HCN1: variants seen among roughly 807,000 people sequenced by gnomAD.
The protein encoded by HCN1 is hyperpolarization activated cyclic nucleotide gated potassium channel 1, also known as potassium/sodium hyperpolarization-activated cyclic nucleotide-gated channel 1.
A neutral mutation model predicts 78.9 loss-of-function variants in HCN1; 13 were observed. The ratio of observed to expected loss-of-function variants is 0.16; its 90% CI spans 0.11 to 0.26. The LOEUF (loss-of-function observed/expected upper bound fraction) is 0.26. Among genes scored for constraint, HCN1 ranks in the 10% least tolerant of loss-of-function variants. HCN1 has a pLI of 1.00. For missense variants in HCN1, 810 were observed against 1,154.3 expected (o/e 0.70, Z 4.32); for synonymous variants, 552 against 455.5 (o/e 1.21, Z -2.70).
chr5:45,653,445 A>G (rs1745714260), intron 1 of HCN1, among the ~76,000 whole-genome samples: 1 of 152,154 alleles, frequency 6.6e-6, no homozygotes, highest in South Asian at 2.1e-4. Context: ...GTCTCCAAAA[A>G]TACTGTTTTA....
At chr5:45,641,535 T>C (rs374741062) in intron 2 of HCN1, among the ~76,000 whole-genome samples, 46 of 152,052 alleles carry the variant, frequency 3.0e-4, no homozygotes, top group African/African-American at 9.7e-4. Flanking sequence ...ACAAAGGAGG[T>C]TGGGGAGATA....
Position 45,273,775 on chromosome 5 carries a change from T to C in HCN1, c.1619-6522A>G, listed in dbSNP as rs567373490. On this transcript the variant is annotated intron_variant, in intron 6 of 7. Coordinates refer to ENST00000303230, the MANE Select transcript of HCN1 (RefSeq NM_021072.4). ...TCTAATTCACTGTGTTATAATAACATGTAACAGAAAATATCACTTTTTTGC... is the reference window on the plus strand; with the variant it reads ...TCTAATTCACTGTGTTATAATAACACGTAACAGAAAATATCACTTTTTTGC... Among the ~76,000 whole-genome samples, 95 of 152,300 alleles carry C rather than the reference T, an allele frequency of 6.2e-4. No homozygotes were observed. In the South Asian group the frequency reaches 7.9e-3, roughly 13 times the overall value.
intron 2 of HCN1, among the ~76,000 whole-genome samples, chr5:45,503,940 C>T (rs57281202): frequency 0.058 from 8,825 of 151,996 alleles, 327 homozygotes; most frequent in East Asian, 0.15. Context: ...TGTGCACCAC[C>T]ACACCCAGCT....
chr5:45,543,542 G>A (rs1420387527), intron 2 of HCN1, among the ~76,000 whole-genome samples: 1 of 151,946 alleles, frequency 6.6e-6, no homozygotes, highest in Non-Finnish European at 1.5e-5. Flanking sequence ...AGAAATTAAT[G>A]AGTAAACAAA....
chr5:45,670,990 T>G (rs929712674), intron 1 of HCN1, among the ~76,000 whole-genome samples: 4 of 151,738 alleles, frequency 2.6e-5, no homozygotes, highest in African/African-American at 9.7e-5. Flanking sequence ...AAAGTACATT[T>G]TATACAATCA....
In HCN1 at chr5:45,310,151, A is replaced by G. The variant is rs553345771; in HGVS notation, c.1378-6312T>C. 2.6e-5 allele frequency among the ~76,000 whole-genome samples: 4 copies of G among 152,238 alleles called. No individual in the cohort carries two copies. In the South Asian group the frequency reaches 8.3e-4, roughly 32 times the overall value. On this transcript the variant is annotated intron_variant, in intron 5 of 7. Transcript: ENST00000303230. ...ACCCCAAAAGCAACTGCAACAAATCAGAAATTGACAAACGGGAACTAATTA... is the reference window on the plus strand; with the variant it reads ...ACCCCAAAAGCAACTGCAACAAATCGGAAATTGACAAACGGGAACTAATTA...
chr5:45,524,764 C>T (rs1440161709), intron 2 of HCN1, among the ~76,000 whole-genome samples: 1 of 152,008 alleles, frequency 6.6e-6, no homozygotes, highest in Non-Finnish European at 1.5e-5. Flanking sequence ...TGGGCTGAGA[C>T]GATGGGGTTT....
At chr5:45,580,176 G>GCACAACCACAA (rs1744033490) in intron 2 of HCN1, among the ~76,000 whole-genome samples, 1 of 152,058 alleles carries the variant, frequency 6.6e-6, no homozygotes, top group Admixed American at 6.6e-5. Flanking sequence ...TTAAGGTTGT[G>GCACAACCACAA]GAGGTAATTA....
intron 6 of HCN1, among the ~76,000 whole-genome samples, chr5:45,298,783 A>G (rs1221767751): frequency 6.6e-6 from 1 of 151,954 alleles, no homozygotes; most frequent in Non-Finnish European, 1.5e-5. Flanking sequence ...CATGGTGACT[A>G]CCTTCCAAAG....
At chr5:45,493,576 C>CT (rs940697316) in intron 2 of HCN1, among the ~76,000 whole-genome samples, 7 of 149,526 alleles carry the variant, frequency 4.7e-5, no homozygotes, top group Admixed American at 1.3e-4. Context: ...AATTGTGTTT[C>CT]TTTTTTTTTA....
At chr5:45,606,204 C>G (rs1744724466) in intron 2 of HCN1, among the ~76,000 whole-genome samples, 1 of 151,808 alleles carries the variant, frequency 6.6e-6, no homozygotes. Context: ...TGCATTAAAC[C>G]TAGTGAAAAA....
Position 45,262,539 on chromosome 5 carries a change from T to C in HCN1, c.2055A>G (p.Thr685=), listed in dbSNP as rs1406966043. ...GGATGGCTGATGGCTGGGGGGTCTG[T>C]GTGCTGGGACTGGGGGAGTGCAGGT... ...HSNLHSPSPS[T]QTPQPSAILS... is the part of the protein sequence containing the mutation. Residue 685 remains threonine (T), a synonymous_variant, in exon 8 of 8, where the codon ACA becomes ACG. Transcript: ENST00000303230. 8 of 1,612,926 alleles carry C rather than the reference T, an allele frequency of 5.0e-6. No individual in the cohort carries two copies. The African/African-American group carries it at 9.4e-5, about 19-fold the overall frequency.
At chr5:45,417,783 T>C (rs945059204) in intron 3 of HCN1, among the ~76,000 whole-genome samples, 3 of 130,824 alleles carry the variant, frequency 2.3e-5, no homozygotes, top group Non-Finnish European at 3.2e-5. Context: ...AAAAACAAGG[T>C]CACGCTCAAG....
At chr5:45,507,883 A>G (rs1742340232) in intron 2 of HCN1, among the ~76,000 whole-genome samples, 1 of 152,114 alleles carries the variant, frequency 6.6e-6, no homozygotes, top group African/African-American at 2.4e-5. Flanking sequence ...AGTTTATTAT[A>G]ATTCCATGAT....
intron 4 of HCN1, among the ~76,000 whole-genome samples, chr5:45,372,851 A>G (rs1422837187): frequency 6.9e-6 from 1 of 143,920 alleles, no homozygotes; most frequent in Non-Finnish European, 1.5e-5. Context: ...ATATGTTCGT[A>G]TTCTATACAC....
intron 2 of HCN1, among the ~76,000 whole-genome samples, chr5:45,498,654 A>T (rs1331598772): frequency 6.6e-6 from 1 of 152,026 alleles, no homozygotes. Flanking sequence ...GGAGGAGGAG[A>T]GGTGCTCTGC....
At position 45,303,592 on chromosome 5, in the gene HCN1, T is replaced by C. The variant is rs1561096253; in HGVS notation, c.1618+7A>G. On this transcript the variant is annotated splice_region_variant and intron_variant, in intron 6 of 7. Transcript: ENST00000303230. Reference sequence around the variant, plus strand: ...GATTTCATCTTAGTTGCATCTTTTTTACTAACCTCCAAAGTAAGAGCCATC... The same window carrying C: ...GATTTCATCTTAGTTGCATCTTTTTCACTAACCTCCAAAGTAAGAGCCATC... 6 of 1,613,202 alleles carry C rather than the reference T, an allele frequency of 3.7e-6. No individual in the cohort carries two copies. In the South Asian group the frequency reaches 6.6e-5, roughly 18 times the overall value.
intron 5 of HCN1, among the ~76,000 whole-genome samples, chr5:45,330,532 A>G (rs1354073342): frequency 6.6e-6 from 1 of 150,906 alleles, no homozygotes; most frequent in Non-Finnish European, 1.5e-5. Context: ...ATGTGTATAT[A>G]TATGTAAAAT....
intron 2 of HCN1, among the ~76,000 whole-genome samples, chr5:45,625,464 T>C (rs938534978): frequency 6.6e-6 from 1 of 152,110 alleles, no homozygotes; most frequent in Non-Finnish European, 1.5e-5. Flanking sequence ...TGATACCTCA[T>C]ACCAATACCA....
Sources: allele counts gnomAD v4.1 joint callset (sites outside exome capture counted in the v4.1 genomes callset), GRCh38; gene constraint gnomAD v4.1.1; transcripts MANE v1.5; gene names NCBI Gene and HGNC (gene_info 2026-07-23, HGNC 2026-07-21).